PRAG1: variants seen among roughly 807,000 people sequenced by gnomAD.
The protein encoded by PRAG1 is PEAK1 related, kinase-activating pseudokinase 1.
In PRAG1, 110 loss-of-function variants were observed where a neutral mutation model predicts 95.6. The observed-to-expected ratio is 1.15, with a 90% confidence interval of 0.99 to 1.35. PRAG1 has a LOEUF of 1.35. Ranked by LOEUF, PRAG1 falls within the 40% of genes most tolerant of loss-of-function variation. The pLI, the probability that PRAG1 is intolerant of heterozygous loss-of-function variation, is 0.00. For synonymous variants in PRAG1, 1,052 were observed against 819.4 expected, an observed-to-expected ratio of 1.28 and a Z score of -4.85; for missense variants, 2,554 against 1,864.7, an observed-to-expected ratio of 1.37 and a Z score of -6.81.
rs1338523932 is a variant in PRAG1 at position 8,318,423 on chromosome 8, T to C, written c.3952A>G (p.Ile1318Val). The C allele has an allele frequency of 3.1e-6, 5 of 1,612,898 alleles. No individual in the cohort carries two copies. The highest frequency in any genetic ancestry group is 1.6e-4 in the Middle Eastern group (1 of 6,084). ...TGCAGCACGCGCTTGGCCTCGCCGA[T>C]GCGGATACGCTTGATGGGGTCGGCC... Reference protein sequence around the residue: ...LEADPIKRIRIGEAKRVLQCL... With the variant: ...LEADPIKRIRVGEAKRVLQCL... The change falls in exon 6 of 6, where the codon ATC becomes GTC. Residue 1318 changes from isoleucine (I) to valine (V), a missense_variant. By Grantham distance (29) the Ile-to-Val change is conservative (BLOSUM62 3). Coordinates refer to ENST00000615670, the MANE Select transcript of PRAG1 (RefSeq NM_001080826.3). The surrounding 1 kb of genome is among the most constrained non-coding windows in gnomAD (Gnocchi z 4.2).
intron 3 of PRAG1, among the ~76,000 whole-genome samples, chr8:8,372,901 T>C (rs1800257974): frequency 6.6e-6 from 1 of 152,196 alleles, no homozygotes; most frequent in South Asian, 2.1e-4. Flanking sequence ...GCAGACGATC[T>C]GTCTCTCTCA....
Position 8,328,473 on chromosome 8 carries a change from A to G in PRAG1, c.2321-12T>C. The G allele has an allele frequency of 6.2e-7, 1 of 1,612,750 alleles. No homozygotes were observed. The highest frequency in any genetic ancestry group is 8.5e-7 in the Non-Finnish European group (1 of 1,179,804). On this transcript the variant is annotated splice_polypyrimidine_tract_variant and intron_variant, in intron 4 of 5. Transcript: ENST00000615670. The stretch of plus-strand genomic sequence containing the variant: ...CTCAGACGAGGGACCTGAAGAGGAG[A>G]GACAGAAACCATAAGACCAAGGCCA...
intron 2 of PRAG1, among the ~76,000 whole-genome samples, chr8:8,378,766 TG>T (rs1443729094): frequency 6.6e-6 from 1 of 151,646 alleles, no homozygotes; most frequent in East Asian, 1.9e-4. Flanking sequence ...GAGGTTGAGG[TG>T]GAAGGATGTC....
Position 8,318,742 on chromosome 8 carries a change from C to A in PRAG1, c.3633G>T (p.Arg1211=). ...CCTTCAAAAAGTTGCTGATGATGAG[C>A]CGGGGCAGCTGCTTCTCCCGGGGCC... ...PEGPREKQLP[R]LIISNFLKAK... is the part of the protein sequence containing the mutation. The change falls in exon 6 of 6, where the codon CGG becomes CGT. Residue 1211 remains arginine (R), a synonymous_variant. Coordinates refer to ENST00000615670, the MANE Select transcript of PRAG1 (RefSeq NM_001080826.3). The surrounding 1 kb of genome is among the most constrained non-coding windows in gnomAD (Gnocchi z 4.2). 3 of 1,602,886 alleles carry A rather than the reference C, an allele frequency of 1.9e-6. No homozygotes were observed. The highest frequency in any genetic ancestry group is 1.7e-4 in the Middle Eastern group (1 of 5,904).
At chr8:8,379,722 A>G (rs947383354) in intron 2 of PRAG1, among the ~76,000 whole-genome samples, 1 of 152,218 alleles carries the variant, frequency 6.6e-6, no homozygotes, top group Admixed American at 6.5e-5. Context: ...TGTCTTAGCC[A>G]CATAGCTTCC....
chr8:8,365,687 G>T (rs1441875607), intron 3 of PRAG1, among the ~76,000 whole-genome samples: 1 of 150,166 alleles, frequency 6.7e-6, no homozygotes, highest in East Asian at 2.0e-4. Context: ...AGTGGGCTGA[G>T]TGCAGTGACT....
At chr8:8,355,858 G>C (rs1034029665) in intron 3 of PRAG1, among the ~76,000 whole-genome samples, 4 of 152,140 alleles carry the variant, frequency 2.6e-5, no homozygotes, top group Admixed American at 1.3e-4. Context: ...TTTGATATTG[G>C]CCTTGGAAAT....
At chr8:8,326,893 G>A (rs2117112509) in intron 5 of PRAG1, among the ~76,000 whole-genome samples, 1 of 152,300 alleles carries the variant, frequency 6.6e-6, no homozygotes, top group East Asian at 1.9e-4. Context: ...AGGATTAGAG[G>A]TAAGAGTCTA....
chr8:8,359,670 A>G (rs1799788223), intron 3 of PRAG1, among the ~76,000 whole-genome samples: 1 of 152,164 alleles, frequency 6.6e-6, no homozygotes, highest in African/African-American at 2.4e-5. Context: ...GGAATACGGT[A>G]TTGCTTTCTC....
intron 5 of PRAG1, among the ~76,000 whole-genome samples, chr8:8,322,882 T>G (rs2117102288): frequency 6.6e-6 from 1 of 152,292 alleles, no homozygotes; most frequent in African/African-American, 2.4e-5. Flanking sequence ...GATAACTGTG[T>G]CTCCCTAAAA....
intron 3 of PRAG1, among the ~76,000 whole-genome samples, chr8:8,369,698 CTTT>C (rs10596599): frequency 0.016 from 2,203 of 140,080 alleles, 41 homozygotes; most frequent in African/African-American, 0.055. Flanking sequence ...AAAAAATAAA[CTTT>C]TTTTTTTTTT....
intron 3 of PRAG1, among the ~76,000 whole-genome samples, chr8:8,344,148 T>G (rs1585240100): frequency 6.6e-6 from 1 of 152,170 alleles, no homozygotes. Flanking sequence ...TACTGTGCAG[T>G]ACAGAGCTGG....
intron 3 of PRAG1, among the ~76,000 whole-genome samples, chr8:8,355,997 C>A (rs888308580): frequency 3.3e-5 from 5 of 152,142 alleles, no homozygotes; most frequent in African/African-American, 1.2e-4. Flanking sequence ...AACTTAGGAA[C>A]TGGGAAAAAA....
chr8:8,376,218 C>CA, intron 3 of PRAG1, 29 bp downstream of exon 3: 1 of 1,597,126 alleles, frequency 6.3e-7, no homozygotes, highest in East Asian at 2.2e-5. Flanking sequence ...GCCCTGCAGA[C>CA]AGAGTCCCAG....
chr8:8,380,594 G>A (rs1263554459), intron 2 of PRAG1, among the ~76,000 whole-genome samples: 1 of 151,984 alleles, frequency 6.6e-6, no homozygotes, highest in East Asian at 1.9e-4. Flanking sequence ...GGTGCCTCAC[G>A]CCTATAATCT....
chr8:8,377,744 T>TGACA lies in PRAG1; in HGVS notation c.661_664dup (p.His222LeufsTer17). The stretch of plus-strand genomic sequence containing the variant: ...TTCCCGCAGGGGCCCAGGGCCCTGG[T>TGACA]GACAGCCAGATGTGGTCCCAGCAAA... On this transcript the variant is annotated frameshift_variant, in exon 3 of 6. Transcript: ENST00000615670. LOFTEE classifies it high-confidence loss of function. 3 of 1,614,020 alleles carry TGACA rather than the reference T, an allele frequency of 1.9e-6. No individual in the cohort carries two copies. The highest frequency in any genetic ancestry group is 2.5e-6 in the Non-Finnish European group (3 of 1,180,006).
At chr8:8,321,626 A>C (rs974606631) in intron 5 of PRAG1, among the ~76,000 whole-genome samples, 2 of 152,216 alleles carry the variant, frequency 1.3e-5, no homozygotes, top group African/African-American at 4.8e-5. Flanking sequence ...CAATCTCATT[A>C]AATCCAAGGA....
chr8:8,322,220 G>A (rs544118622), intron 5 of PRAG1, among the ~76,000 whole-genome samples: 16 of 152,004 alleles, frequency 1.1e-4, no homozygotes, highest in East Asian at 3.9e-4. Flanking sequence ...TCTCTCTGTC[G>A]CCCAGGCTGG....
At position 8,361,505 on chromosome 8, in the gene PRAG1, G is replaced by C. The variant is rs1014029275; in HGVS notation, c.2162+14742C>G. Among the ~76,000 whole-genome samples, 5 of 152,294 alleles carry C rather than the reference G, an allele frequency of 3.3e-5. No individual in the cohort carries two copies. The South Asian group carries it at 1.0e-3, about 32-fold the overall frequency. On this transcript the variant is annotated intron_variant, in intron 3 of 5. Coordinates refer to ENST00000615670, the MANE Select transcript of PRAG1 (RefSeq NM_001080826.3). The stretch of plus-strand genomic sequence containing the variant: ...GTCTAGAGGGTCCCATTTCTTATCA[G>C]ATGAGGCAATCTCTGACTCTTCCTT...
Sources: allele counts gnomAD v4.1 joint callset (sites outside exome capture counted in the v4.1 genomes callset), GRCh38; gene constraint gnomAD v4.1.1; non-coding constraint Gnocchi (gnomAD v3.1); transcripts MANE v1.5; gene names NCBI Gene and HGNC (gene_info 2026-07-23, HGNC 2026-07-21).